PDE7A: variants seen among roughly 807,000 people sequenced by gnomAD.
PDE7A encodes high affinity 3',5'-cyclic-AMP phosphodiesterase 7A.
In PDE7A, 39 loss-of-function variants were observed where a neutral mutation model predicts 64.3. That is an observed-to-expected ratio of 0.61 (90% confidence interval 0.47 to 0.79). PDE7A has a LOEUF of 0.79. Ranked by LOEUF, PDE7A falls within the 30% of genes least tolerant of loss-of-function variation. The pLI is 0.00. For missense variants in PDE7A, 470 were observed against 582.8 expected (o/e 0.81, Z 1.99); for synonymous variants, 203 against 206.8 (o/e 0.98, Z 0.16).
intron 3 of PDE7A, among the ~76,000 whole-genome samples, chr8:65,774,846 C>G (rs563770040): frequency 6.6e-6 from 1 of 152,086 alleles, no homozygotes; most frequent in Non-Finnish European, 1.5e-5. Context: ...TGCTAATACA[C>G]TGAATTTACT....
At chr8:65,833,195 C>A (rs941558806) in intron 1 of PDE7A, among the ~76,000 whole-genome samples, 36 of 152,200 alleles carry the variant, frequency 2.4e-4, no homozygotes, top group Admixed American at 2.0e-3. Context: ...CTCTCACCAA[C>A]TCTCCATCTC....
At chr8:65,802,941 C>T (rs1810029522) in intron 1 of PDE7A, among the ~76,000 whole-genome samples, 1 of 151,952 alleles carries the variant, frequency 6.6e-6, no homozygotes, top group South Asian at 2.1e-4. Flanking sequence ...GTGTGTGGCA[C>T]CTCCCCCTCC....
chr8:65,729,501 T>C (rs1280690901), intron 7 of PDE7A, among the ~76,000 whole-genome samples: 1 of 151,984 alleles, frequency 6.6e-6, no homozygotes, highest in Admixed American at 6.6e-5. Flanking sequence ...GAGAGCAGTT[T>C]AGTGACATAA....
At chr8:65,724,205 A>G (rs760523614) in intron 11 of PDE7A, 50 bp downstream of exon 11, 7 of 960,946 alleles carry the variant, frequency 7.3e-6, no homozygotes, top group Non-Finnish European at 1.1e-5. Context: ...TTACGATGTT[A>G]AAAAAAAATG....
chr8:65,736,796 T>TG (rs1436581560), intron 6 of PDE7A, among the ~76,000 whole-genome samples: 4 of 151,162 alleles, frequency 2.6e-5, no homozygotes, highest in African/African-American at 4.9e-5. Context: ...ATCTGTTTTT[T>TG]TTTTTTTTTT....
chr8:65,829,842 T>C (rs1009271023), intron 1 of PDE7A, among the ~76,000 whole-genome samples: 7 of 151,956 alleles, frequency 4.6e-5, no homozygotes, highest in Non-Finnish European at 8.8e-5. Context: ...TGTATAGCTA[T>C]GGAGAGCAGC....
At chr8:65,831,047 GAAC>G (rs943762978) in intron 1 of PDE7A, among the ~76,000 whole-genome samples, 1 of 151,934 alleles carries the variant, frequency 6.6e-6, no homozygotes, top group African/African-American at 2.4e-5. Context: ...ATTGTGATTT[GAAC>G]AACACTACCA....
intron 7 of PDE7A, among the ~76,000 whole-genome samples, chr8:65,732,795 G>C (rs529932810): frequency 6.6e-6 from 1 of 152,204 alleles, no homozygotes; most frequent in Non-Finnish European, 1.5e-5. Context: ...TTACAGGCAT[G>C]AGCCACCGCA....
chr8:65,763,342 G>A (rs1207392786), intron 3 of PDE7A, among the ~76,000 whole-genome samples: 1 of 152,104 alleles, frequency 6.6e-6, no homozygotes, highest in East Asian at 1.9e-4. Flanking sequence ...GAGGCGGGTG[G>A]ATCACCTGAG....
chr8:65,803,872 G>A (rs1563513808), intron 1 of PDE7A, among the ~76,000 whole-genome samples: 1 of 152,118 alleles, frequency 6.6e-6, no homozygotes, highest in Non-Finnish European at 1.5e-5. Context: ...GGAACCATAG[G>A]ACAGAGGATA....
At chr8:65,826,574 C>T (rs1169189678) in intron 1 of PDE7A, among the ~76,000 whole-genome samples, 1 of 152,112 alleles carries the variant, frequency 6.6e-6, no homozygotes, top group Admixed American at 6.6e-5. Context: ...CTGAGTCAAA[C>T]CCCAAGAATG....
chr8:65,733,864 C>T (rs892748421), intron 7 of PDE7A, among the ~76,000 whole-genome samples: 12 of 152,094 alleles, frequency 7.9e-5, no homozygotes, highest in Admixed American at 6.5e-4. Context: ...ATCCTGTTTC[C>T]CGCCTAACAC....
intron 1 of PDE7A, among the ~76,000 whole-genome samples, chr8:65,806,542 C>A (rs1355026881): frequency 6.6e-6 from 1 of 152,178 alleles, no homozygotes; most frequent in African/African-American, 2.4e-5. Flanking sequence ...CATATTCAAA[C>A]ACTTTAGAAT....
At chr8:65,817,760 T>G (rs1206171612) in intron 1 of PDE7A, among the ~76,000 whole-genome samples, 1 of 151,612 alleles carries the variant, frequency 6.6e-6, no homozygotes, top group Non-Finnish European at 1.5e-5. Context: ...GTGTTTTTTT[T>G]TTTTTTTTTC....
chr8:65,734,905 GAA>G lies in PDE7A; in HGVS notation c.596-13_596-12del. ...CTTCTTGAATCATAACTGCATCAAAGAAAGAGATCCCGATTTTATTGTATATG... is the reference window on the plus strand; with the variant it reads ...CTTCTTGAATCATAACTGCATCAAAGAGAGATCCCGATTTTATTGTATATG... On this transcript the variant is annotated splice_polypyrimidine_tract_variant and intron_variant, in intron 6 of 12. Coordinates refer to ENST00000401827, the MANE Select transcript of PDE7A (RefSeq NM_001242318.3). The G allele has an allele frequency of 6.5e-7, 1 of 1,544,300 alleles. No homozygotes were observed.
chr8:65,817,918 A>C (rs886380671), intron 1 of PDE7A, among the ~76,000 whole-genome samples: 42 of 151,922 alleles, frequency 2.8e-4, no homozygotes, highest in Non-Finnish European at 5.6e-4. Context: ...GCGCCCAGCT[A>C]ATTTTTTGTA....
chr8:65,790,880 G>A (rs1197409123), intron 1 of PDE7A, among the ~76,000 whole-genome samples: 5 of 152,332 alleles, frequency 3.3e-5, no homozygotes, highest in African/African-American at 1.2e-4. Flanking sequence ...GCAGCAGAGT[G>A]TATCTTAGGC....
intron 1 of PDE7A, among the ~76,000 whole-genome samples, chr8:65,798,179 C>CATATATAT (rs1218978698): frequency 1.1e-4 from 13 of 118,900 alleles, no homozygotes; most frequent in African/African-American, 3.3e-4. Context: ...TGTGTGTGTG[C>CATATATAT]ATATATATAT....
At chr8:65,837,314 A>T (rs1449905037) in intron 1 of PDE7A, among the ~76,000 whole-genome samples, 1 of 152,254 alleles carries the variant, frequency 6.6e-6, no homozygotes, top group Admixed American at 6.5e-5. Flanking sequence ...GCAGTGTTAC[A>T]AACGATTAAA....
Sources: allele counts gnomAD v4.1 joint callset (sites outside exome capture counted in the v4.1 genomes callset), GRCh38; gene constraint gnomAD v4.1.1; transcripts MANE v1.5; gene names NCBI Gene and HGNC (gene_info 2026-07-23, HGNC 2026-07-21).